Variants in LOXL3 observed in about 807,000 individuals in gnomAD.
LOXL3 encodes lysyl oxidase like 3.
Under a neutral mutation model 91.8 loss-of-function variants are expected in LOXL3, and 60 were observed. That is an observed-to-expected ratio of 0.65 (90% CI 0.53 to 0.81). LOXL3 has a LOEUF of 0.81. LOXL3 is among the 30% of genes least tolerant of loss of function. LOXL3 has a pLI of 0.00. For synonymous variants in LOXL3, 355 were observed against 387.6 expected (o/e 0.92, Z 0.99); for missense variants, 874 against 1,000.4 (o/e 0.87, Z 1.70).
At position 74,535,330 on chromosome 2, in the gene LOXL3, G is replaced by A. The variant is rs781559258; in HGVS notation, c.1541C>T (p.Thr514Ile). ...HHGTHITCKRTGTRFTAGVIC... is the reference protein window; with the variant it reads ...HHGTHITCKRIGTRFTAGVIC... Reference sequence around the variant, plus strand: ...GACTCCAGCAGTGAAGCGGGTCCCTGTCCTCTTGCAGGTGATGTGGGTGCC... The same window carrying A: ...GACTCCAGCAGTGAAGCGGGTCCCTATCCTCTTGCAGGTGATGTGGGTGCC... Residue 514 changes from threonine to isoleucine, a missense_variant, in exon 9 of 14, where the codon ACA becomes ATA. Coordinates refer to ENST00000264094, the MANE Select transcript of LOXL3 (RefSeq NM_032603.5). The surrounding 1 kb of genome is among the most constrained non-coding windows in gnomAD (Gnocchi z 4.2). 7 of 1,614,006 alleles carry A rather than the reference G, an allele frequency of 4.3e-6. No individual in the cohort carries two copies. Among genetic ancestry groups the A allele is most frequent in the Middle Eastern group, 1.7e-4 (1 of 6,060 alleles).
In LOXL3 at chr2:74,535,796, G is replaced by T; in HGVS notation, c.1249-41C>A. On this transcript the variant is annotated intron_variant, in intron 7 of 13. Coordinates refer to ENST00000264094, the MANE Select transcript of LOXL3 (RefSeq NM_032603.5). The surrounding 1 kb of genome is among the most constrained non-coding windows in gnomAD (Gnocchi z 4.2). ...ATGGAAGCGCTGGAGAAAGCTTTGGGGTGAGGTAGTGGGAGTCTCTAACAG... is the reference window on the plus strand; with the variant it reads ...ATGGAAGCGCTGGAGAAAGCTTTGGTGTGAGGTAGTGGGAGTCTCTAACAG... The T allele has an allele frequency of 2.0e-6, 3 of 1,528,006 alleles. No individual in the cohort carries two copies. The highest frequency in any genetic ancestry group is 2.6e-6 in the Non-Finnish European group (3 of 1,143,656). 94.7% of individuals were successfully genotyped at this position (1,528,006 alleles called of 1,614,324 possible). A position where few individuals can be genotyped will look rare whatever the true frequency, so the allele number is the denominator to read the frequency against.
chr2:74,536,867 C>T lies in LOXL3; in HGVS notation c.754G>A (p.Glu252Lys), dbSNP rs1676060151. ...AGGGAACAGAGGGAGAGGTGGGCCT[C>T]CGTGCCCACGCACGCCACCCCATGC... Reference protein sequence around the residue: ...GLHGVACVGTEAHLSLCSLEF... With the variant: ...GLHGVACVGTKAHLSLCSLEF... The change falls in exon 5 of 14, where the codon GAG becomes AAG. Residue 252 changes from glutamate (E) to lysine (K), a missense_variant. Physicochemically the swap from Glu to Lys is moderately conservative, Grantham distance 56. Transcript: ENST00000264094. The surrounding 1 kb of genome is among the most constrained non-coding windows in gnomAD (Gnocchi z 4.5). 6.2e-7 allele frequency: 1 copy of T among 1,614,192 alleles called. No homozygotes were observed.
At chr2:74,534,510 C>T in intron 10 of LOXL3, 21 bp downstream of exon 10, 2 of 1,613,830 alleles carry the variant, frequency 1.2e-6, no homozygotes, top group Non-Finnish European at 1.7e-6. Context: ...TGCCCTTCTA[C>T]TTGACTCCCT....
rs144650676 is a variant in LOXL3 at position 74,537,569 on chromosome 2, G to A, written c.693-641C>T. ...ATGTATAAATGCAGGACAGGTCAAA[G>A]TTTGAGGGAATAAATGACCAGAGAA... is the stretch of plus-strand genomic sequence containing the variant. On this transcript the variant is annotated intron_variant, in intron 4 of 13. Transcript: ENST00000264094. 2.0e-3 allele frequency among the ~76,000 whole-genome samples: 305 copies of A among 152,304 alleles called. 1 individual carries two copies. The highest frequency in any genetic ancestry group is 7.1e-3 in the African/African-American group (295 of 41,562).
intron 4 of LOXL3, among the ~76,000 whole-genome samples, chr2:74,542,184 T>G (rs1676362660): frequency 6.6e-6 from 1 of 152,118 alleles, no homozygotes; most frequent in Non-Finnish European, 1.5e-5. Context: ...TTCCAGCTAC[T>G]CAGGAGGCTG....
At chr2:74,550,917 C>T (rs1676964173) in intron 2 of LOXL3, among the ~76,000 whole-genome samples, 1 of 151,470 alleles carries the variant, frequency 6.6e-6, no homozygotes, top group South Asian at 2.1e-4. Flanking sequence ...CCTTGTTCTT[C>T]TCTCTGTCTG....
chr2:74,542,412 T>G (rs921029397), intron 4 of LOXL3, among the ~76,000 whole-genome samples: 3 of 152,194 alleles, frequency 2.0e-5, no homozygotes, highest in African/African-American at 7.2e-5. Context: ...CTAAGTCTAC[T>G]GTACCTAAAT....
In LOXL3 at chr2:74,535,697, C is replaced by T. The variant is rs756982019; in HGVS notation, c.1307G>A (p.Gly436Glu). Reference protein sequence around the residue: ...HEGRVEVQIGGPGPLRWGLIC... With the variant: ...HEGRVEVQIGEPGPLRWGLIC... ...GAGGCCCCAGCGAAGGGGCCCAGGT[C>T]CCCCTATTTGCACCTCGACTCGCCC... Residue 436 changes from glycine to glutamate, a missense_variant, in exon 8 of 14, where the codon GGA (glycine) becomes GAA (glutamate). By Grantham distance (98) the Gly-to-Glu change is moderately conservative. Transcript: ENST00000264094. The surrounding 1 kb of genome is among the most constrained non-coding windows in gnomAD (Gnocchi z 4.2). The T allele has an allele frequency of 6.2e-7, 1 of 1,606,606 alleles. No homozygotes were observed. The highest frequency in any genetic ancestry group is 8.5e-7 in the Non-Finnish European group (1 of 1,177,942).
chr2:74,532,740 T>C lies in LOXL3; in HGVS notation c.*866A>G. On this transcript the variant is annotated 3_prime_UTR_variant, in exon 14 of 14. Coordinates refer to ENST00000264094, the MANE Select transcript of LOXL3 (RefSeq NM_032603.5). ...GTGAGGGAGAGGCTGCAGTGTGATA[T>C]GGGGATGGGCAAGGTGTGCATGTGT... 6.2e-7 allele frequency: 1 copy of C among 1,612,626 alleles called. No individual in the cohort carries two copies. The highest frequency in any genetic ancestry group is 8.5e-7 in the Non-Finnish European group (1 of 1,178,742).
chr2:74,545,390 C>T (rs940413593), intron 4 of LOXL3, among the ~76,000 whole-genome samples: 2 of 152,160 alleles, frequency 1.3e-5, no homozygotes, highest in Non-Finnish European at 2.9e-5. Flanking sequence ...ATATAAATAC[C>T]TTTATTTGTA....
In LOXL3 at chr2:74,549,034, G is replaced by C. The variant is rs965116338; in HGVS notation, c.692+335C>G. On this transcript the variant is annotated intron_variant, in intron 4 of 13. Transcript: ENST00000264094. The surrounding 1 kb of genome is among the most constrained non-coding windows in gnomAD (Gnocchi z 5.3). Reference sequence around the variant, plus strand: ...TTACTGAACTCGGAAATCGCTGGCCGGCAGCGCCAGCGCTGGAATCGCCCC... The same window carrying C: ...TTACTGAACTCGGAAATCGCTGGCCCGCAGCGCCAGCGCTGGAATCGCCCC... The C allele has an allele frequency of 2.0e-4, 36 of 180,548 alleles. 2 individuals carry two copies. In the East Asian group the frequency reaches 3.6e-3, roughly 18 times the overall value. 11.2% of individuals were successfully genotyped at this position (180,548 alleles called of 1,614,324 possible).
intron 4 of LOXL3, among the ~76,000 whole-genome samples, chr2:74,547,276 C>G (rs973402422): frequency 6.6e-6 from 1 of 152,174 alleles, no homozygotes; most frequent in African/African-American, 2.4e-5. Context: ...ACCGTGGCCT[C>G]CCAAAGTCCT....
At position 74,534,701 on chromosome 2, in the gene LOXL3, C is replaced by T. The variant is rs1675888588; in HGVS notation, c.1653G>A (p.Met551Ile). Residue 551 changes from methionine to isoleucine, a missense_variant, in exon 10 of 14, where the codon ATG becomes ATA. Met to Ile is a conservative substitution (Grantham distance 10, BLOSUM62 1). Transcript: ENST00000264094. ...TAYIEDRPLH[M>I]LYCAAEENCL... is the part of the protein sequence containing the mutation. The stretch of plus-strand genomic sequence containing the variant: ...AGTTCTCTTCCGCAGCACAGTACAA[C>T]ATATGCAGGGGCCGGTCTTCGATGT... 1.2e-6 allele frequency: 2 copies of T among 1,614,112 alleles called. No homozygotes were observed. The highest frequency in any genetic ancestry group is 2.7e-5 in the African/African-American group (2 of 74,932).
At chr2:74,542,228 G>C (rs764335309) in intron 4 of LOXL3, among the ~76,000 whole-genome samples, 1 of 152,168 alleles carries the variant, frequency 6.6e-6, no homozygotes, top group Non-Finnish European at 1.5e-5. Flanking sequence ...AAGAGGTCGA[G>C]GTTGCAGTGA....
chr2:74,534,855 A>T, intron 9 of LOXL3, 81 bp from the exon 10 acceptor site: 1 of 1,462,052 alleles, frequency 6.8e-7, no homozygotes, highest in Non-Finnish European at 9.3e-7. Flanking sequence ...CCTAGTGTGT[A>T]AGACTAGTTT....
At position 74,533,738 on chromosome 2, in the gene LOXL3, A is replaced by G. The variant is rs1573001327; in HGVS notation, c.2189-59T>C. 5.2e-6 allele frequency: 8 copies of G among 1,538,134 alleles called. No homozygotes were observed. The East Asian group carries it at 1.3e-4, about 26-fold the overall frequency. On this transcript the variant is annotated intron_variant, in intron 13 of 13. Coordinates refer to ENST00000264094, the MANE Select transcript of LOXL3 (RefSeq NM_032603.5). ...TGCACAGAGGGAGGGAGATAGATGC[A>G]CTGTGGAGAAGGGTGGGTAGAAGTG...
rs776660493 is a variant in LOXL3 at position 74,535,427 on chromosome 2, T to C, written c.1444A>G (p.Ile482Val). Residue 482 changes from isoleucine to valine, a missense_variant, in exon 9 of 14, where the codon ATA becomes GTA. Transcript: ENST00000264094. This position sits in a 1 kb window ranked among gnomAD's most constrained non-coding sequence, Gnocchi z 4.2. ...ACTCCACTCATCACCACCTCTGTTA[T>C]ATTCCCAGAGTCCCAGTACCAGGTC... ...QETWYWDSGNITEVVMSGVRC... is the reference protein window; with the variant it reads ...QETWYWDSGNVTEVVMSGVRC... 5 of 1,614,088 alleles carry C rather than the reference T, an allele frequency of 3.1e-6. No homozygotes were observed. In the South Asian group the frequency reaches 3.3e-5, roughly 11 times the overall value.
Position 74,549,384 on chromosome 2 carries a change from T to A in LOXL3, c.677A>T (p.Asn226Ile). The A allele has an allele frequency of 6.2e-7, 1 of 1,608,000 alleles. No individual in the cohort carries two copies. Among genetic ancestry groups the A allele is most frequent in the Non-Finnish European group, 8.5e-7 (1 of 1,177,144 alleles). ...MLGFPSEKRV[N>I]AAFYRLLAQR... ...GGCCCCTCACCTGTAGAAGGCCGCG[T>A]TGACCCTCTTTTCGCTGGGGAAGCC... The change falls in exon 4 of 14, where the codon AAC becomes ATC. Residue 226 changes from asparagine (N) to isoleucine (I), a missense_variant. Coordinates refer to ENST00000264094, the MANE Select transcript of LOXL3 (RefSeq NM_032603.5). This position sits in a 1 kb window ranked among gnomAD's most constrained non-coding sequence, Gnocchi z 5.3.
chr2:74,534,798 G>A (rs747284180), intron 9 of LOXL3, 24 bp from the exon 10 acceptor site: 6 of 1,602,984 alleles, frequency 3.7e-6, no homozygotes, highest in South Asian at 3.3e-5. Flanking sequence ...GGAAGGGGGT[G>A]TTAGAAGTCA....
Sources: gnomAD v4.1 joint callset for allele counts (sites outside exome capture counted in the v4.1 genomes callset) on GRCh38, gnomAD v4.1.1 for gene constraint, Gnocchi (gnomAD v3.1) non-coding constraint, MANE v1.5 for transcripts, NCBI Gene and HGNC (gene_info 2026-07-23, HGNC 2026-07-21) for gene names.